Variants in CCNB2 observed in about 807,000 individuals in gnomAD.
The protein encoded by CCNB2 is cyclin B2.
A neutral mutation model predicts 51.1 loss-of-function variants in CCNB2; 39 were observed. The observed-to-expected ratio is 0.76, with a 90% CI of 0.59 to 1.00. The LOEUF (loss-of-function observed/expected upper bound fraction) is 1.00, where lower values mean the gene tolerates loss of function less well. CCNB2 is among the 50% of genes least tolerant of loss of function. The pLI, the probability that CCNB2 is intolerant of heterozygous loss-of-function variation, is 0.00. For missense variants in CCNB2, 472 were observed against 470.3 expected, an observed-to-expected ratio of 1.00 and a Z score of -0.03; for synonymous variants, 174 against 165.5, an observed-to-expected ratio of 1.05 and a Z score of -0.40.
rs765697847 is a variant in CCNB2, at chr15:59,107,610, C to T, written c.207C>T (p.Asn69=). The T allele has an allele frequency of 3.1e-6, 5 of 1,614,066 alleles. No individual in the cohort carries two copies. Among genetic ancestry groups the T allele is most frequent in the Middle Eastern group, 1.6e-4 (1 of 6,084 alleles). The change falls in exon 3 of 9, where the codon AAC becomes AAT. Residue 69 remains asparagine (N), a synonymous_variant. Transcript: ENST00000288207. ...AACCCACCAAAACAACAAATGTCAACAAACAACTGAAACCTACTGCTTCTG... is the reference window on the plus strand; with the variant it reads ...AACCCACCAAAACAACAAATGTCAATAAACAACTGAAACCTACTGCTTCTG... ...PVQPTKTTNV[N]KQLKPTASVK...
rs1566954803 is a variant in CCNB2, at chr15:59,105,225, T to TC, written c.-41dup. Reference sequence around the variant, plus strand: ...TAGTGTCCTCCCTTTTCAGTCCGCGTCCCTCCCTGGGCCGGGCTGGCACTC... The same window carrying TC: ...TAGTGTCCTCCCTTTTCAGTCCGCGTCCCCTCCCTGGGCCGGGCTGGCACTC... On this transcript the variant is annotated 5_prime_UTR_variant, in exon 1 of 9. Transcript: ENST00000288207. 2 of 1,548,306 alleles carry TC rather than the reference T, an allele frequency of 1.3e-6. No homozygotes were observed. Among genetic ancestry groups the TC allele is most frequent in the Non-Finnish European group, 1.7e-6 (2 of 1,145,906 alleles).
chr15:59,120,533 G>A (rs2079297941), intron 7 of CCNB2, among the ~76,000 whole-genome samples: 2 of 152,078 alleles, frequency 1.3e-5, no homozygotes, highest in East Asian at 3.9e-4. Flanking sequence ...GCATTAAAAA[G>A]AATAATGACA....
rs777331417 is a variant in CCNB2, at chr15:59,114,445, G to A, written c.269G>A (p.Gly90Asp). 6.3e-7 allele frequency: 1 copy of A among 1,595,052 alleles called. No homozygotes were observed. Among genetic ancestry groups the A allele is most frequent in the South Asian group, 1.1e-5 (1 of 87,496 alleles). The change falls in exon 4 of 9, where the codon GGT (glycine) becomes GAT (aspartate). Residue 90 changes from glycine (G) to aspartate (D), a missense_variant and splice_region_variant. By Grantham distance (94) the Gly-to-Asp change is moderately conservative (BLOSUM62 -1). Coordinates refer to ENST00000288207, the MANE Select transcript of CCNB2 (RefSeq NM_004701.4). ...ATGTGCCTAAATTTGTTGGTGTAGG[G>A]TCCTTCTCCCACACCTGAGGATGTC... Reference protein sequence around the residue: ...PVQMEKLAPKGPSPTPEDVSM... With the variant: ...PVQMEKLAPKDPSPTPEDVSM...
chr15:59,120,370 A>G (rs142078254), intron 7 of CCNB2, among the ~76,000 whole-genome samples: 1 of 152,034 alleles, frequency 6.6e-6, no homozygotes, highest in South Asian at 2.1e-4. Context: ...GCATGTGCCT[A>G]TAGTCCCAGA....
At position 59,107,963 on chromosome 15, in the gene CCNB2, C is replaced by T. The variant is rs1378445495; in HGVS notation, c.267+293C>T. Among the ~76,000 whole-genome samples, 8 of 152,036 alleles carry T rather than the reference C, an allele frequency of 5.3e-5. No individual in the cohort carries two copies. In the East Asian group the frequency reaches 5.8e-4, roughly 11 times the overall value. ...GCAATGTGCTATAATGGTGCCACTG[C>T]ACTCTAGCCTGGACAGCGGAGCAAG... On this transcript the variant is annotated intron_variant, in intron 3 of 8. Transcript: ENST00000288207.
At chr15:59,113,086 T>C (rs1326277087) in intron 3 of CCNB2, among the ~76,000 whole-genome samples, 2 of 152,138 alleles carry the variant, frequency 1.3e-5, no homozygotes, top group East Asian at 1.9e-4. Flanking sequence ...CATTAATAAA[T>C]ACTTGTTTTA....
intron 7 of CCNB2, among the ~76,000 whole-genome samples, chr15:59,122,064 G>C (rs537495667): frequency 1.1e-3 from 174 of 151,432 alleles, no homozygotes; most frequent in African/African-American, 4.1e-3. Context: ...GCTGCAGTGA[G>C]CTTTGATAGT....
chr15:59,114,761 T>A lies in CCNB2; in HGVS notation c.482T>A (p.Ile161Lys). The change falls in exon 5 of 9, where the codon ATA becomes AAA. Residue 161 changes from isoleucine to lysine, a missense_variant. Physicochemically the swap from Ile to Lys is moderately radical, Grantham distance 102. Transcript: ENST00000288207. ...CCACATTTCTTAGATGGAAGAGATA[T>A]AAATGGACGCATGCGTGCCATCCTA... ...INPHFLDGRDINGRMRAILVD... is the reference protein window; with the variant it reads ...INPHFLDGRDKNGRMRAILVD... 6.2e-7 allele frequency: 1 copy of A among 1,614,068 alleles called. No homozygotes were observed. Among genetic ancestry groups the A allele is most frequent in the Non-Finnish European group, 8.5e-7 (1 of 1,179,946 alleles).
chr15:59,108,404 G>T (rs1566955421), intron 3 of CCNB2, among the ~76,000 whole-genome samples: 2 of 152,154 alleles, frequency 1.3e-5, no homozygotes, highest in Non-Finnish European at 2.9e-5. Flanking sequence ...GGTAAGTTAG[G>T]AGGTATTGCA....
Position 59,107,356 on chromosome 15 carries a change from T to G in CCNB2, c.59T>G (p.Val20Gly), listed in dbSNP as rs2079239937. Residue 20 changes from valine to glycine, a missense_variant, in exon 2 of 9, where the codon GTT becomes GGT. Physicochemically the swap from Val to Gly is moderately radical, Grantham distance 109. Transcript: ENST00000288207. ...SSDLENIDTGVNSKVKSHVTI... is the reference protein window; with the variant it reads ...SSDLENIDTGGNSKVKSHVTI... Reference sequence around the variant, plus strand: ...GATTTGGAGAATATTGACACAGGAGTTAATTCTAAAGTTAAGAGTCATGTG... The same window carrying G: ...GATTTGGAGAATATTGACACAGGAGGTAATTCTAAAGTTAAGAGTCATGTG... 3 of 1,612,762 alleles carry G rather than the reference T, an allele frequency of 1.9e-6. No homozygotes were observed. Among genetic ancestry groups the G allele is most frequent in the Non-Finnish European group, 2.5e-6 (3 of 1,179,364 alleles).
At chr15:59,113,033 CA>C (rs1224685196) in intron 3 of CCNB2, among the ~76,000 whole-genome samples, 212 of 140,126 alleles carry the variant, frequency 1.5e-3, no homozygotes, top group African/African-American at 4.7e-3. Flanking sequence ...GACTCCATCT[CA>C]AAAAAAAAAA....
At chr15:59,110,204 G>A (rs1476569186) in intron 3 of CCNB2, among the ~76,000 whole-genome samples, 5 of 151,692 alleles carry the variant, frequency 3.3e-5, no homozygotes, top group African/African-American at 1.2e-4. Context: ...TTTACTCCTT[G>A]GCTGACTCCT....
At chr15:59,111,245 G>T (rs553586365) in intron 3 of CCNB2, among the ~76,000 whole-genome samples, 1 of 152,182 alleles carries the variant, frequency 6.6e-6, no homozygotes, top group African/African-American at 2.4e-5. Flanking sequence ...TGTTGCCCAG[G>T]TTGGACTCAA....
At position 59,105,308 on chromosome 15, in the gene CCNB2, G is replaced by A. The variant is rs201447729; in HGVS notation, c.24+16G>A. The A allele has an allele frequency of 3.0e-4, 471 of 1,556,884 alleles. 1 individual carries two copies. In the African/African-American group the frequency reaches 5.7e-3, roughly 19 times the overall value. Reference sequence around the variant, plus strand: ...ACGCCCGACGGTGAGTGTGCCCGGGGACCGCTCTCAGAGGCGAGTCCGTCG... The same window carrying A: ...ACGCCCGACGGTGAGTGTGCCCGGGAACCGCTCTCAGAGGCGAGTCCGTCG... On this transcript the variant is annotated intron_variant, in intron 1 of 8. Transcript: ENST00000288207.
Position 59,123,589 on chromosome 15 carries a change from A to G in CCNB2, c.1048A>G (p.Asn350Asp), listed in dbSNP as rs765290264. 5 of 1,612,116 alleles carry G rather than the reference A, an allele frequency of 3.1e-6. No homozygotes were observed. Among genetic ancestry groups the G allele is most frequent in the East Asian group, 2.2e-5 (1 of 44,854 alleles). ...VLEVMQHMAK[N>D]VVKVNENLTK... ...GGAAGTCATGCAGCACATGGCCAAG[A>G]ATGTGGTGAAAGTAAATGAAAACTT... The change falls in exon 8 of 9, where the codon AAT becomes GAT. Residue 350 changes from asparagine to aspartate, a missense_variant. By Grantham distance (23) the Asn-to-Asp change is conservative. Coordinates refer to ENST00000288207, the MANE Select transcript of CCNB2 (RefSeq NM_004701.4).
intron 3 of CCNB2, among the ~76,000 whole-genome samples, 178 bp downstream of exon 3, chr15:59,107,848 T>C (rs959755731): frequency 6.6e-6 from 1 of 152,182 alleles, no homozygotes; most frequent in East Asian, 1.9e-4. Flanking sequence ...CATTATGACC[T>C]TGAAGCTGGG....
chr15:59,114,217 G>A (rs2079268933), intron 3 of CCNB2, among the ~76,000 whole-genome samples: 1 of 152,190 alleles, frequency 6.6e-6, no homozygotes, highest in Non-Finnish European at 1.5e-5. Context: ...AGGCCATTGG[G>A]AGGACTTAAG....
intron 7 of CCNB2, among the ~76,000 whole-genome samples, chr15:59,121,948 AAAAAAAAAAAAAAGG>A (rs1187069651): frequency 4.1e-5 from 6 of 147,070 alleles, no homozygotes; most frequent in Non-Finnish European, 6.0e-5. Flanking sequence ...AAAAAAAAAA[AAAAAAAAAAAAAAGG>A]AGAAATTACC....
Position 59,105,242 on chromosome 15 carries a change from C to T in CCNB2, c.-27C>T, listed in dbSNP as rs1185598721. Reference sequence around the variant, plus strand: ...AGTCCGCGTCCCTCCCTGGGCCGGGCTGGCACTCTTGCCTTCCCCGTCCCT... The same window carrying T: ...AGTCCGCGTCCCTCCCTGGGCCGGGTTGGCACTCTTGCCTTCCCCGTCCCT... On this transcript the variant is annotated 5_prime_UTR_variant, in exon 1 of 9. Coordinates refer to ENST00000288207, the MANE Select transcript of CCNB2 (RefSeq NM_004701.4). 2.6e-6 allele frequency: 4 copies of T among 1,558,878 alleles called. No individual in the cohort carries two copies. Among genetic ancestry groups the T allele is most frequent in the Non-Finnish European group, 2.6e-6 (3 of 1,153,276 alleles).
Sources: allele counts gnomAD v4.1 joint callset (sites outside exome capture counted in the v4.1 genomes callset), GRCh38; gene constraint gnomAD v4.1.1; transcripts MANE v1.5; gene names NCBI Gene and HGNC (gene_info 2026-07-23, HGNC 2026-07-21).